The following POGLUT1 variants were observed in gnomAD, a reference collection of about 807,000 sequenced individuals.
POGLUT1 encodes the protein 9630046K23Rik.
POGLUT1 carries 32 observed loss-of-function variants against 61.3 expected under a neutral mutation model. The observed-to-expected ratio is 0.52, with a 90% CI of 0.39 to 0.70. POGLUT1 has a LOEUF of 0.70. POGLUT1 is among the 30% of genes least tolerant of loss of function. The pLI, the probability that POGLUT1 is intolerant of heterozygous loss-of-function variation, is 0.00. For missense variants in POGLUT1, 411 were observed against 469.8 expected (o/e 0.87, Z 1.16); for synonymous variants, 158 against 158.2 (o/e 1.00, Z 0.01).
intron 4 of POGLUT1, 21 bp from the exon 5 acceptor site, chr3:119,480,030 A>T: frequency 6.2e-7 from 1 of 1,612,644 alleles, no homozygotes; most frequent in Non-Finnish European, 8.5e-7. Flanking sequence ...ATTTAGGACG[A>T]CCTGTCTGTT....
At chr3:119,484,640 A>G (rs533620134) in intron 5 of POGLUT1, among the ~76,000 whole-genome samples, 1 of 152,278 alleles carries the variant, frequency 6.6e-6, no homozygotes, top group South Asian at 2.1e-4. Context: ...TCCATTTCTG[A>G]TGCTTTTTTA....
rs763882783 is a variant in POGLUT1 at position 119,488,946 on chromosome 3, AGCT to A, written c.760_762del (p.Ala254del). The A allele has an allele frequency of 1.3e-6, 2 of 1,592,364 alleles. No homozygotes were observed. Among genetic ancestry groups the A allele is most frequent in the Admixed American group, 1.7e-5 (1 of 59,868 alleles). On this transcript the variant is annotated inframe_deletion, in exon 8 of 11. Coordinates refer to ENST00000295588, the MANE Select transcript of POGLUT1 (RefSeq NM_152305.3). Reference sequence around the variant, plus strand: ...ACTTAAAGGATACCTTAGGAAAGCCAGCTGCTAAGGATGTCCATCTTGTGGATC... The same window carrying A: ...ACTTAAAGGATACCTTAGGAAAGCCAGCTAAGGATGTCCATCTTGTGGATC...
intron 9 of POGLUT1, 105 bp downstream of exon 9, chr3:119,490,823 G>T: frequency 2.1e-6 from 2 of 963,526 alleles, no homozygotes; most frequent in Non-Finnish European, 3.1e-6. Flanking sequence ...TTAGTCCTAC[G>T]ATTTTTTTCC....
At position 119,488,968 on chromosome 3, in the gene POGLUT1, G is replaced by A. The variant is rs1393339524; in HGVS notation, c.778G>A (p.Val260Met). 7 of 1,589,658 alleles carry A rather than the reference G, an allele frequency of 4.4e-6. No individual in the cohort carries two copies. Among genetic ancestry groups the A allele is most frequent in the Non-Finnish European group, 6.0e-6 (7 of 1,160,496 alleles). Residue 260 changes from valine (V) to methionine (M), a missense_variant, in exon 8 of 11, where the codon GTG becomes ATG. Transcript: ENST00000295588. ...GKPAAKDVHLVDHCKYKYLFN... is the reference protein window; with the variant it reads ...GKPAAKDVHLMDHCKYKYLFN... ...GCCAGCTGCTAAGGATGTCCATCTT[G>A]TGGATCACTGCAAATACAAGTAAGA... is the stretch of plus-strand genomic sequence containing the variant.
In POGLUT1 at chr3:119,485,402, G is replaced by T; in HGVS notation, c.638+15G>T. The T allele has an allele frequency of 6.4e-7, 1 of 1,570,866 alleles. No individual in the cohort carries two copies. The highest frequency in any genetic ancestry group is 1.1e-5 in the South Asian group (1 of 89,274). On this transcript the variant is annotated intron_variant, in intron 6 of 10. Coordinates refer to ENST00000295588, the MANE Select transcript of POGLUT1 (RefSeq NM_152305.3). ...CGAGGATCAAGGTGAGTTATTTTCT[G>T]ACATTTTACAAAGATATTCTTCCAA...
At chr3:119,484,104 T>C (rs1397352153) in intron 5 of POGLUT1, among the ~76,000 whole-genome samples, 2 of 152,032 alleles carry the variant, frequency 1.3e-5, no homozygotes, top group Non-Finnish European at 2.9e-5. Context: ...GAAAACAAGA[T>C]AGTTCTGGCC....
chr3:119,478,603 G>A, intron 4 of POGLUT1: 1 of 347,962 alleles, frequency 2.9e-6, no homozygotes, highest in South Asian at 2.2e-5. Context: ...GTGACTTCTA[G>A]TTTCCAAGGG....
intron 3 of POGLUT1, among the ~76,000 whole-genome samples, chr3:119,476,693 T>C (rs1002322162): frequency 2.6e-5 from 4 of 152,256 alleles, no homozygotes; most frequent in Admixed American, 1.3e-4. Flanking sequence ...TATCTTCTTT[T>C]TCTTTCAAGA....
chr3:119,491,979 G>T (rs1241557211), intron 10 of POGLUT1, among the ~76,000 whole-genome samples: 1 of 152,068 alleles, frequency 6.6e-6, no homozygotes, highest in Non-Finnish European at 1.5e-5. Context: ...ACTTGAACCC[G>T]GGAGGCGGAG....
chr3:119,490,590 G>A lies in POGLUT1; in HGVS notation c.837G>A (p.Arg279=), dbSNP rs896224150. The A allele has an allele frequency of 6.2e-7, 1 of 1,614,084 alleles. No homozygotes were observed. Among genetic ancestry groups the A allele is most frequent in the African/African-American group, 1.3e-5 (1 of 75,028 alleles). Residue 279 remains arginine, a synonymous_variant, in exon 9 of 11, where the codon CGG becomes CGA. Coordinates refer to ENST00000295588, the MANE Select transcript of POGLUT1 (RefSeq NM_152305.3). ...TTCGAGGCGTAGCTGCAAGTTTCCGGTTTAAACACCTCTTCCTGTGTGGCT... is the reference window on the plus strand; with the variant it reads ...TTCGAGGCGTAGCTGCAAGTTTCCGATTTAAACACCTCTTCCTGTGTGGCT... ...FNFRGVAASF[R]FKHLFLCGSL...
rs1437803275 is a variant in POGLUT1, at chr3:119,494,685, A to G, written c.*2247A>G. On this transcript the variant is annotated 3_prime_UTR_variant, in exon 11 of 11. Transcript: ENST00000295588. ...AGGAAAGAATAATTTATTTGAATGAAGTGGGATACTTGCATAACACAAATA... is the reference window on the plus strand; with the variant it reads ...AGGAAAGAATAATTTATTTGAATGAGGTGGGATACTTGCATAACACAAATA... The G allele has an allele frequency of 6.6e-6, 1 of 152,556 alleles. No individual in the cohort carries two copies. Among genetic ancestry groups the G allele is most frequent in the Non-Finnish European group, 1.5e-5 (1 of 68,046 alleles). 9.5% of individuals were successfully genotyped at this position (152,556 alleles called of 1,614,324 possible). A position where few individuals can be genotyped will look rare whatever the true frequency, so the allele number is the denominator to read the frequency against.
At chr3:119,479,857 T>C in intron 4 of POGLUT1, 194 bp from the exon 5 acceptor site, 1 of 1,388,382 alleles carries the variant, frequency 7.2e-7, no homozygotes, top group Non-Finnish European at 9.6e-7. Context: ...TGGAATTCAG[T>C]GAGCCCATGA....
At chr3:119,479,606 T>G (rs1003031977) in intron 4 of POGLUT1, among the ~76,000 whole-genome samples, 7 of 152,172 alleles carry the variant, frequency 4.6e-5, no homozygotes, top group African/African-American at 1.7e-4. Flanking sequence ...GAGCCCACAC[T>G]CTTAACCATT....
chr3:119,469,841 T>C lies in POGLUT1; in HGVS notation c.107T>C (p.Ile36Thr), dbSNP rs188263536. Reference sequence around the variant, plus strand: ...AAAGGTTCAAAATGGAAAGTATTTATTGACCAAATTAACAGGTCTTTGGAG... The same window carrying C: ...AAAGGTTCAAAATGGAAAGTATTTACTGACCAAATTAACAGGTCTTTGGAG... Reference protein sequence around the residue: ...KESGSKWKVFIDQINRSLENY... With the variant: ...KESGSKWKVFTDQINRSLENY... Residue 36 changes from isoleucine (I) to threonine (T), a missense_variant, in exon 2 of 11, where the codon ATT (isoleucine) becomes ACT (threonine). By Grantham distance (89) the Ile-to-Thr change is moderately conservative. Coordinates refer to ENST00000295588, the MANE Select transcript of POGLUT1 (RefSeq NM_152305.3). The C allele has an allele frequency of 2.5e-6, 4 of 1,602,286 alleles. No individual in the cohort carries two copies. The highest frequency in any genetic ancestry group is 1.7e-5 in the Admixed American group (1 of 59,990).
In POGLUT1 at chr3:119,490,659, T is replaced by G; in HGVS notation, c.906T>G (p.Tyr302Ter). Residue 302 changes from tyrosine (Y) to a stop codon, truncating the protein, a stop_gained, in exon 9 of 11, where the codon TAT becomes TAG. Transcript: ENST00000295588. LOFTEE classifies it high-confidence loss of function. Reference protein sequence around the residue: ...HVGDEWLEFFYPQLKPWVHYI... With the variant: ...HVGDEWLEFF ...GTGATGAGTGGCTAGAATTCTTCTA[T>G]CCACAGCTGAAGCCATGGGTTCACT... is the stretch of plus-strand genomic sequence containing the variant. 6.2e-7 allele frequency: 1 copy of G among 1,613,556 alleles called. No individual in the cohort carries two copies. Among genetic ancestry groups the G allele is most frequent in the Non-Finnish European group, 8.5e-7 (1 of 1,179,452 alleles).
intron 3 of POGLUT1, among the ~76,000 whole-genome samples, chr3:119,477,086 A>G (rs150854312): frequency 5.2e-5 from 8 of 152,398 alleles, no homozygotes; most frequent in African/African-American, 1.9e-4. Context: ...GGAAAATTTT[A>G]TTAAGTATTG....
chr3:119,491,403 A>G, intron 9 of POGLUT1, 115 bp from the exon 10 acceptor site: 1 of 474,026 alleles, frequency 2.1e-6, no homozygotes, highest in Admixed American at 4.3e-5. Flanking sequence ...TGAAGGAAAT[A>G]ATCCACCATC....
chr3:119,485,287 GA>G, intron 5 of POGLUT1, 40 bp from the exon 6 acceptor site: 1 of 1,240,552 alleles, frequency 8.1e-7, no homozygotes. Flanking sequence ...TTATATAGTT[GA>G]AAAAGATATA....
chr3:119,480,577 T>C (rs1291568995), intron 5 of POGLUT1, among the ~76,000 whole-genome samples: 1 of 152,080 alleles, frequency 6.6e-6, no homozygotes, highest in Non-Finnish European at 1.5e-5. Context: ...AATTTTTAAG[T>C]TAAAAATTAA....
Sources: allele counts gnomAD v4.1 joint callset (sites outside exome capture counted in the v4.1 genomes callset), GRCh38; gene constraint gnomAD v4.1.1; transcripts MANE v1.5; gene names NCBI Gene and HGNC (gene_info 2026-07-23, HGNC 2026-07-21).